GNAQ: variants seen among roughly 807,000 people sequenced by gnomAD.
The protein encoded by GNAQ is guanine nucleotide-binding protein G(q) subunit alpha.
GNAQ carries 8 observed loss-of-function variants against 43.9 expected under a neutral mutation model. The observed-to-expected ratio is 0.18, with a 90% CI of 0.11 to 0.33. The LOEUF (loss-of-function observed/expected upper bound fraction) is 0.33. Among genes scored for constraint, GNAQ ranks in the 10% least tolerant of loss-of-function variants. The pLI, the probability that GNAQ is intolerant of heterozygous loss-of-function variation, is 1.00. For missense variants in GNAQ, 158 were observed against 450.8 expected (o/e 0.35, Z 5.88); for synonymous variants, 155 against 170.7 (o/e 0.91, Z 0.71).
At chr9:77,894,471 G>A (rs1587392848) in intron 2 of GNAQ, among the ~76,000 whole-genome samples, 1 of 141,602 alleles carries the variant, frequency 7.1e-6, no homozygotes, top group South Asian at 2.3e-4. Context: ...TCACCAGGCT[G>A]GAATGCAGTG....
At chr9:77,827,128 T>A (rs971130601) in intron 2 of GNAQ, among the ~76,000 whole-genome samples, 9 of 152,146 alleles carry the variant, frequency 5.9e-5, no homozygotes, top group Non-Finnish European at 1.0e-4. Context: ...GAAAAGGTTT[T>A]TTTTTCTCTC....
At chr9:77,730,731 A>C (rs1031953633) in intron 5 of GNAQ, among the ~76,000 whole-genome samples, 1 of 152,246 alleles carries the variant, frequency 6.6e-6, no homozygotes, top group African/African-American at 2.4e-5. Context: ...ACAGACTTTA[A>C]CATACCTTTA....
chr9:77,967,433 A>G (rs781265744), intron 1 of GNAQ, among the ~76,000 whole-genome samples: 5 of 152,164 alleles, frequency 3.3e-5, no homozygotes, highest in Admixed American at 1.3e-4. Context: ...CTCTGTGCTC[A>G]AAGTGCCCTC....
At chr9:77,727,675 T>C (rs1236668109) in intron 6 of GNAQ, among the ~76,000 whole-genome samples, 4 of 152,218 alleles carry the variant, frequency 2.6e-5, no homozygotes, top group Admixed American at 6.5e-5. Flanking sequence ...TCAGGCATCA[T>C]GCTAAACGTA....
chr9:77,977,799 T>C (rs958069168), intron 1 of GNAQ, among the ~76,000 whole-genome samples: 6 of 152,154 alleles, frequency 3.9e-5, no homozygotes, highest in Admixed American at 3.9e-4. Context: ...ACTTCTGCCA[T>C]ATTTTGATCA....
intron 1 of GNAQ, among the ~76,000 whole-genome samples, chr9:77,983,361 T>C (rs991477517): frequency 6.6e-5 from 10 of 152,186 alleles, no homozygotes; most frequent in Non-Finnish European, 1.2e-4. Flanking sequence ...AAAGGACTTG[T>C]GTGGATGTAG....
chr9:77,881,141 C>T (rs933468138), intron 2 of GNAQ, among the ~76,000 whole-genome samples: 5 of 152,090 alleles, frequency 3.3e-5, no homozygotes, highest in African/African-American at 1.2e-4. Context: ...ATTTTGTTCC[C>T]ATAATATAGA....
At chr9:77,783,994 A>T (rs1826437121) in intron 5 of GNAQ, among the ~76,000 whole-genome samples, 1 of 152,248 alleles carries the variant, frequency 6.6e-6, no homozygotes, top group African/African-American at 2.4e-5. Context: ...CCTCAAAAAT[A>T]GAGAAGTATG....
intron 1 of GNAQ, among the ~76,000 whole-genome samples, chr9:77,959,717 A>T (rs1823084821): frequency 6.6e-6 from 1 of 152,170 alleles, no homozygotes; most frequent in Non-Finnish European, 1.5e-5. Flanking sequence ...TACCTTGCAC[A>T]ATATTTAATA....
intron 1 of GNAQ, among the ~76,000 whole-genome samples, chr9:77,994,209 TA>T (rs1015824988): frequency 1.6e-4 from 25 of 152,248 alleles, no homozygotes; most frequent in Admixed American, 2.6e-4. Context: ...CTAATTCTTT[TA>T]AAATGTTTTG....
chr9:77,901,308 TTACAA>T (rs1187818548), intron 2 of GNAQ, among the ~76,000 whole-genome samples: 3 of 152,154 alleles, frequency 2.0e-5, no homozygotes, highest in African/African-American at 4.8e-5. Context: ...TGGAGGCTCT[TTACAA>T]TACAATTCCC....
At chr9:77,922,557 T>C (rs1829014596) in intron 1 of GNAQ, among the ~76,000 whole-genome samples, 1 of 152,006 alleles carries the variant, frequency 6.6e-6, no homozygotes, top group Non-Finnish European at 1.5e-5. Flanking sequence ...ACAACAACAA[T>C]GAAAAACCCA....
chr9:77,898,017 G>A (rs538583528), intron 2 of GNAQ, among the ~76,000 whole-genome samples: 2 of 149,798 alleles, frequency 1.3e-5, no homozygotes, highest in Non-Finnish European at 3.0e-5. Flanking sequence ...GAAGGGCCAA[G>A]AAAGCGGGAT....
intron 2 of GNAQ, among the ~76,000 whole-genome samples, chr9:77,833,057 C>T (rs1474100205): frequency 6.6e-6 from 1 of 152,170 alleles, no homozygotes; most frequent in Non-Finnish European, 1.5e-5. Context: ...ACCTCTGCCT[C>T]CCGGGTTCAA....
chr9:77,818,559 G>C (rs1485153149), intron 2 of GNAQ, among the ~76,000 whole-genome samples: 1 of 151,772 alleles, frequency 6.6e-6, no homozygotes, highest in Non-Finnish European at 1.5e-5. Flanking sequence ...ATGTGAAATA[G>C]TAGTAAAAAT....
intron 1 of GNAQ, among the ~76,000 whole-genome samples, chr9:78,014,272 TA>T (rs1257334513): frequency 2.0e-5 from 3 of 151,936 alleles, no homozygotes; most frequent in African/African-American, 7.3e-5. Flanking sequence ...ACATCAAGTG[TA>T]ACAAGAACAA....
At chr9:77,828,505 C>G (rs1827242658) in intron 2 of GNAQ, among the ~76,000 whole-genome samples, 1 of 152,174 alleles carries the variant, frequency 6.6e-6, no homozygotes, top group South Asian at 2.1e-4. Flanking sequence ...GTCTTCACAG[C>G]ACAATTGTTG....
chr9:77,953,541 G>A (rs1022236739), intron 1 of GNAQ, among the ~76,000 whole-genome samples: 3 of 152,156 alleles, frequency 2.0e-5, no homozygotes, highest in Non-Finnish European at 2.9e-5. Flanking sequence ...ATACACATAT[G>A]AAGGGGATGA....
intron 2 of GNAQ, among the ~76,000 whole-genome samples, chr9:77,871,727 TA>T (rs1159763382): frequency 6.6e-6 from 1 of 152,166 alleles, no homozygotes; most frequent in African/African-American, 2.4e-5. Context: ...GCTCAAAGTG[TA>T]CTATAAAAAC....
Sources: allele counts gnomAD v4.1 joint callset (sites outside exome capture counted in the v4.1 genomes callset), GRCh38; gene constraint gnomAD v4.1.1; transcripts MANE v1.5; gene names NCBI Gene and HGNC (gene_info 2026-07-23, HGNC 2026-07-21).